The following GPATCH3 variants were observed in gnomAD, a reference collection of about 807,000 sequenced individuals.
GPATCH3 encodes the protein G patch domain-containing protein 3.
GPATCH3 carries 45 observed loss-of-function variants against 53.2 expected under a neutral mutation model. That is an observed-to-expected ratio of 0.85 (90% CI 0.67 to 1.08). The LOEUF (loss-of-function observed/expected upper bound fraction) is 1.08, where lower values mean the gene tolerates loss of function less well. GPATCH3 is among the 50% of genes least tolerant of loss of function. The pLI is 0.00. For missense variants in GPATCH3, 680 were observed against 687.2 expected, an observed-to-expected ratio of 0.99 and a Z score of 0.12; for synonymous variants, 280 against 270.6, an observed-to-expected ratio of 1.03 and a Z score of -0.34.
Position 26,890,556 on chromosome 1 carries a change from T to C in GPATCH3, c.*454A>G. 1 of 317,656 alleles carries C rather than the reference T, an allele frequency of 3.1e-6. No individual in the cohort carries two copies. Among genetic ancestry groups the C allele is most frequent in the Non-Finnish European group, 6.1e-6 (1 of 162,916 alleles). 19.7% of individuals were successfully genotyped at this position (317,656 alleles called of 1,614,324 possible). A position where few individuals can be genotyped will look rare whatever the true frequency, so the allele number is the denominator to read the frequency against. On this transcript the variant is annotated 3_prime_UTR_variant, in exon 7 of 7. Coordinates refer to ENST00000361720, the MANE Select transcript of GPATCH3 (RefSeq NM_022078.3). Reference sequence around the variant, plus strand: ...AAGCCACCTCCCGCGGACTCTCCGCTGGCAGTCCCACCCAGTGAGGGTAGA... The same window carrying C: ...AAGCCACCTCCCGCGGACTCTCCGCCGGCAGTCCCACCCAGTGAGGGTAGA...
At chr1:26,893,492 T>TTAATAGAA in intron 3 of GPATCH3, 44 bp from the exon 4 acceptor site, 1 of 1,307,686 alleles carries the variant, frequency 7.6e-7, no homozygotes, top group Non-Finnish European at 1.1e-6. Context: ...TTAAGGACTC[T>TTAATAGAA]CAGTTCTATT....
Position 26,892,454 on chromosome 1 carries a change from GGGCCTCA to G in GPATCH3, c.1311_1317del (p.Glu438TrpfsTer27). On this transcript the variant is annotated frameshift_variant, in exon 6 of 7. Transcript: ENST00000361720. LOFTEE classifies it high-confidence loss of function. ...CTGGGGTGTTGGCCATCACTATCCA[GGGCCTCA>G]GGCACCCCTGAGCACCTGCAGCCCA... The G allele has an allele frequency of 1.2e-6, 2 of 1,613,964 alleles. No homozygotes were observed. Among genetic ancestry groups the G allele is most frequent in the Middle Eastern group, 3.3e-4 (2 of 6,032 alleles).
chr1:26,892,519 A>C lies in GPATCH3; in HGVS notation c.1253T>G (p.Met418Arg), dbSNP rs1487211135. The part of the protein sequence containing the change: ...RHTKGIGRKV[M>R]ERQGWAEGQG... ...GCCCTCAGCCCAGCCCTGCCGCTCCATCACCTTCCGCCCAATGCCCTGCAG... is the reference window on the plus strand; with the variant it reads ...GCCCTCAGCCCAGCCCTGCCGCTCCCTCACCTTCCGCCCAATGCCCTGCAG... Residue 418 changes from methionine to arginine, a missense_variant, in exon 6 of 7, where the codon ATG becomes AGG. Physicochemically the swap from Met to Arg is moderately conservative, Grantham distance 91. Transcript: ENST00000361720. 1.2e-6 allele frequency: 2 copies of C among 1,613,446 alleles called. No homozygotes were observed. The highest frequency in any genetic ancestry group is 1.1e-5 in the South Asian group (1 of 91,078).
At chr1:26,891,334 G>A (rs2081924695) in intron 6 of GPATCH3, 108 bp from the exon 7 acceptor site, 1 of 820,118 alleles carries the variant, frequency 1.2e-6, no homozygotes, top group South Asian at 1.8e-5. Flanking sequence ...TCCAAAGACA[G>A]AGGCTTTAAA....
intron 2 of GPATCH3, among the ~76,000 whole-genome samples, chr1:26,895,763 AG>A (rs2081948431): frequency 6.6e-6 from 1 of 151,622 alleles, no homozygotes; most frequent in African/African-American, 2.4e-5. Context: ...TCAGCCTCCC[AG>A]TAGCTAGGAC....
Position 26,890,544 on chromosome 1 carries a change from C to A in GPATCH3, c.*466G>T. 3.2e-6 allele frequency: 1 copy of A among 310,468 alleles called. No individual in the cohort carries two copies. The highest frequency in any genetic ancestry group is 6.2e-6 in the Non-Finnish European group (1 of 160,046). 19.2% of individuals were successfully genotyped at this position (310,468 alleles called of 1,614,324 possible). On this transcript the variant is annotated 3_prime_UTR_variant, in exon 7 of 7. Transcript: ENST00000361720. The stretch of plus-strand genomic sequence containing the variant: ...CGTCGCACACCCAAGCCACCTCCCG[C>A]GGACTCTCCGCTGGCAGTCCCACCC...
chr1:26,898,516 C>T (rs2081960428), intron 1 of GPATCH3, among the ~76,000 whole-genome samples: 1 of 151,752 alleles, frequency 6.6e-6, no homozygotes, highest in Non-Finnish European at 1.5e-5. Context: ...CAGGGTTACG[C>T]CATGTTGTCC....
chr1:26,899,904 A>C (rs2081967355), intron 1 of GPATCH3, 88 bp downstream of exon 1: 6 of 1,222,380 alleles, frequency 4.9e-6, no homozygotes, highest in Non-Finnish European at 7.0e-6. Flanking sequence ...AGTCCTAACC[A>C]GAGGCCTGAC....
chr1:26,893,517 G>A, intron 3 of GPATCH3, 69 bp from the exon 4 acceptor site: 1 of 698,966 alleles, frequency 1.4e-6, no homozygotes, highest in Non-Finnish European at 2.4e-6. Flanking sequence ...GTTAAACCTA[G>A]AGTTTTTTTG....
At position 26,892,803 on chromosome 1, in the gene GPATCH3, G is replaced by A. The variant is rs1250639267; in HGVS notation, c.1112-12C>T. ...CTTGTCTCCACCATCTGAGGAAACAGAGCTCAGTTTATGGAAGCGTCCCTC... is the reference window on the plus strand; with the variant it reads ...CTTGTCTCCACCATCTGAGGAAACAAAGCTCAGTTTATGGAAGCGTCCCTC... On this transcript the variant is annotated splice_polypyrimidine_tract_variant and intron_variant, in intron 4 of 6. Coordinates refer to ENST00000361720, the MANE Select transcript of GPATCH3 (RefSeq NM_022078.3). 1 of 1,613,310 alleles carries A rather than the reference G, an allele frequency of 6.2e-7. No homozygotes were observed. The highest frequency in any genetic ancestry group is 8.5e-7 in the Non-Finnish European group (1 of 1,179,344).
At chr1:26,896,246 G>A (rs1305612021) in intron 2 of GPATCH3, among the ~76,000 whole-genome samples, 1 of 151,760 alleles carries the variant, frequency 6.6e-6, no homozygotes, top group African/African-American at 2.4e-5. Flanking sequence ...ACAAGTCACT[G>A]CACATGTTTT....
Position 26,897,536 on chromosome 1 carries a change from C to T in GPATCH3, c.641G>A (p.Arg214Gln), listed in dbSNP as rs1238180512. The T allele has an allele frequency of 6.2e-6, 10 of 1,614,138 alleles. No individual in the cohort carries two copies. Among genetic ancestry groups the T allele is most frequent in the Non-Finnish European group, 5.1e-6 (6 of 1,180,030 alleles). The part of the protein sequence containing the change: ...ELIRACRLPP[R>Q]IITQLQLQFP... ...CTGGAGCTGCAGCTGGGTGATGATC[C>T]GAGGGGGTAGGCGGCAGGCCCGGAT... The change falls in exon 2 of 7, where the codon CGG (arginine) becomes CAG (glutamine). Residue 214 changes from arginine to glutamine, a missense_variant. Arg to Gln is a conservative substitution (Grantham distance 43). Coordinates refer to ENST00000361720, the MANE Select transcript of GPATCH3 (RefSeq NM_022078.3).
rs775813036 is a variant in GPATCH3, at chr1:26,897,736, A to C, written c.452-11T>G. The stretch of plus-strand genomic sequence containing the variant: ...GAAAGGAGCCCAGACCTTGGAAAGG[A>C]GGGAGAATAGATCTTGAAACCCAGA... On this transcript the variant is annotated splice_polypyrimidine_tract_variant and intron_variant, in intron 1 of 6. Transcript: ENST00000361720. The C allele has an allele frequency of 2.1e-5, 33 of 1,585,218 alleles. No individual in the cohort carries two copies. The highest frequency in any genetic ancestry group is 2.8e-5 in the Non-Finnish European group (33 of 1,167,364).
chr1:26,900,256 TAGG>T lies in GPATCH3; in HGVS notation c.184_186del (p.Pro62del). On this transcript the variant is annotated inframe_deletion, in exon 1 of 7. Coordinates refer to ENST00000361720, the MANE Select transcript of GPATCH3 (RefSeq NM_022078.3). Reference sequence around the variant, plus strand: ...GGGTCGGTAGGAATTAGGGCAGAGTTAGGAGCGGCCTGCGGAGGGGCCCGCTCA... The same window carrying T: ...GGGTCGGTAGGAATTAGGGCAGAGTTAGCGGCCTGCGGAGGGGCCCGCTCA... The T allele has an allele frequency of 1.2e-6, 2 of 1,613,964 alleles. No individual in the cohort carries two copies. Among genetic ancestry groups the T allele is most frequent in the African/African-American group, 2.7e-5 (2 of 75,008 alleles).
intron 6 of GPATCH3, among the ~76,000 whole-genome samples, chr1:26,891,607 C>T (rs1260694367): frequency 2.0e-5 from 3 of 151,996 alleles, no homozygotes; most frequent in African/African-American, 7.2e-5. Context: ...ATTGTAATGG[C>T]GTGATCTCGG....
Position 26,891,145 on chromosome 1 carries a change from A to G in GPATCH3, c.1443T>C (p.Tyr481=). 1.2e-6 allele frequency: 2 copies of G among 1,614,062 alleles called. No homozygotes were observed. The highest frequency in any genetic ancestry group is 1.7e-6 in the Non-Finnish European group (2 of 1,179,994). Residue 481 remains tyrosine (Y), a synonymous_variant, in exon 7 of 7, where the codon TAT becomes TAC. Coordinates refer to ENST00000361720, the MANE Select transcript of GPATCH3 (RefSeq NM_022078.3). The part of the protein sequence containing the change: ...RNGLGLISTI[Y]DEPLPQDQTE... The stretch of plus-strand genomic sequence containing the variant: ...TCTGGTCTTGGGGTAGAGGCTCATC[A>G]TAGATGGTGGAGATGAGCCCCAAGC...
chr1:26,900,369 C>A lies in GPATCH3; in HGVS notation c.74G>T (p.Arg25Leu), dbSNP rs149540976. 6.2e-7 allele frequency: 1 copy of A among 1,614,018 alleles called. No homozygotes were observed. Among genetic ancestry groups the A allele is most frequent in the African/African-American group, 1.3e-5 (1 of 75,040 alleles). ...LVVSGIPSVL[R>L]SAHLRSYFSQ... ...AAAATAGCTCCGTAAATGGGCCGAG[C>A]GCAACACGGAGGGGATACCGCTCAC... is the stretch of plus-strand genomic sequence containing the variant. The change falls in exon 1 of 7, where the codon CGC becomes CTC. Residue 25 changes from arginine (R) to leucine (L), a missense_variant. Transcript: ENST00000361720.
chr1:26,894,480 C>T, intron 2 of GPATCH3, 70 bp from the exon 3 acceptor site: 1 of 1,449,516 alleles, frequency 6.9e-7, no homozygotes, highest in Non-Finnish European at 9.5e-7. Context: ...AAGCTCAGGG[C>T]ACAGGAGGCA....
In GPATCH3 at chr1:26,897,444, C is replaced by T. The variant is rs765799137; in HGVS notation, c.733G>A (p.Val245Met). 1.9e-6 allele frequency: 3 copies of T among 1,614,128 alleles called. No individual in the cohort carries two copies. Among genetic ancestry groups the T allele is most frequent in the Non-Finnish European group, 1.7e-6 (2 of 1,180,068 alleles). ...VPFEYEDSET[V>M]EQEELVYTAE... ...GTATACACAAGCTCTTCCTGCTCCA[C>T]AGTCTCTGAGTCCTCATACTCAAAA... The change falls in exon 2 of 7, where the codon GTG becomes ATG. Residue 245 changes from valine (V) to methionine (M), a missense_variant. Val to Met is a conservative substitution (Grantham distance 21). Coordinates refer to ENST00000361720, the MANE Select transcript of GPATCH3 (RefSeq NM_022078.3).
Sources: gnomAD v4.1 joint callset for allele counts (sites outside exome capture counted in the v4.1 genomes callset) on GRCh38, gnomAD v4.1.1 for gene constraint, MANE v1.5 for transcripts, NCBI Gene and HGNC (gene_info 2026-07-23, HGNC 2026-07-21) for gene names.